Variants in TMEM67 observed in about 807,000 individuals in gnomAD.
TMEM67 encodes meckelin.
TMEM67 carries 124 observed loss-of-function variants against 136.6 expected under a neutral mutation model. That is an observed-to-expected ratio of 0.91 (90% CI 0.78 to 1.05). The LOEUF is 1.05. Among genes scored for constraint, TMEM67 ranks in the 50% least tolerant of loss-of-function variants. The probability of loss-of-function intolerance (pLI) is 0.00; values close to 1 mark genes in which losing one functional copy is unlikely to be tolerated. For synonymous variants in TMEM67, 364 were observed against 390.5 expected (o/e 0.93, Z 0.80); for missense variants, 1,107 against 1,178.4 (o/e 0.94, Z 0.89).
chr8:93,790,851 C>T (rs1814344752), intron 14 of TMEM67, among the ~76,000 whole-genome samples: 1 of 152,204 alleles, frequency 6.6e-6, no homozygotes, highest in Non-Finnish European at 1.5e-5. Context: ...TCTTCTTTCT[C>T]TTGTCTCTTA....
At chr8:93,767,745 A>G (rs1219478512) in intron 6 of TMEM67, among the ~76,000 whole-genome samples, 1 of 141,460 alleles carries the variant, frequency 7.1e-6, no homozygotes, top group Admixed American at 7.3e-5. Context: ...TTTTTTTGAC[A>G]TGTCCCCATC....
At chr8:93,827,579 C>CTT in the TMEM67 span, among the ~76,000 whole-genome samples, 3,619 of 136,422 alleles carry the variant, frequency 0.027, 77 homozygotes, top group African/African-American at 0.053. Context: ...TGTATTTTTT[C>CTT]TTTTTTTTTT....
At chr8:93,815,212 T>C in intron 26 of TMEM67, 93 bp from the exon 27 acceptor site, 1 of 836,486 alleles carries the variant, frequency 1.2e-6, no homozygotes, top group Non-Finnish European at 1.8e-6. Context: ...TAATGTGCTG[T>C]TTTTAAACAT....
chr8:93,758,605 A>G, intron 3 of TMEM67, 29 bp downstream of exon 3: 2 of 1,519,608 alleles, frequency 1.3e-6, no homozygotes, highest in Non-Finnish European at 1.8e-6. Flanking sequence ...ATAAAGAAGT[A>G]GTGATAAATC....
At chr8:93,762,830 T>C (rs1812910078) in intron 3 of TMEM67, 5 of 295,490 alleles carry the variant, frequency 1.7e-5, no homozygotes, top group South Asian at 1.1e-4. Flanking sequence ...ATAAGTGGTA[T>C]GTTTGCATAA....
chr8:93,795,864 T>G, intron 17 of TMEM67, 37 bp from the exon 18 acceptor site: 1 of 1,406,284 alleles, frequency 7.1e-7, no homozygotes, highest in Non-Finnish European at 1.0e-6. Flanking sequence ...AAAAAAACTG[T>G]GTGTGATAAT....
rs1478881233 is a variant in TMEM67 at position 93,758,795 on chromosome 8, C to T, written c.406+219C>T. ...TAAATTTTTTGTAGAGACTGGGTCTCGTTATGTTGCTCAGCCTGGTCTTGA... is the reference window on the plus strand; with the variant it reads ...TAAATTTTTTGTAGAGACTGGGTCTTGTTATGTTGCTCAGCCTGGTCTTGA... On this transcript the variant is annotated intron_variant, in intron 3 of 27. Transcript: ENST00000453321. The T allele has an allele frequency of 2.2e-5, 11 of 507,462 alleles. No individual in the cohort carries two copies. The East Asian group carries it at 2.8e-4, about 13-fold the overall frequency. 31.4% of individuals were successfully genotyped at this position (507,462 alleles called of 1,614,324 possible).
chr8:93,797,428 T>C lies in TMEM67; in HGVS notation c.2058T>C (p.Ile686=). The change falls in exon 20 of 28, where the codon ATT becomes ATC. Residue 686 remains isoleucine (I), a synonymous_variant. Transcript: ENST00000453321. The stretch of plus-strand genomic sequence containing the variant: ...ATGAAATTCAGACTGTGAGAAAAAT[T>C]AATTCACTCTTTCAAGTACTTACTG... ...EWNEIQTVRK[I]NSLFQVLTVL... The C allele has an allele frequency of 6.2e-7, 1 of 1,613,980 alleles. No homozygotes were observed. Among genetic ancestry groups the C allele is most frequent in the South Asian group, 1.1e-5 (1 of 91,074 alleles).
chr8:93,829,361 GCT>G, the TMEM67 span, among the ~76,000 whole-genome samples: 2,493 of 147,310 alleles, frequency 0.017, 45 homozygotes, highest in African/African-American at 0.046. Context: ...CTTTATGAGT[GCT>G]CTCTCTCTCT....
At chr8:93,823,067 G>A (rs2130812313), downstream of TMEM67, among the ~76,000 whole-genome samples, 1 of 152,284 alleles carries the variant, frequency 6.6e-6, no homozygotes. Context: ...TAAAAGCATA[G>A]TAAGTACTGT....
chr8:93,780,484 C>G, intron 7 of TMEM67, 109 bp from the exon 8 acceptor site: 1 of 1,197,010 alleles, frequency 8.4e-7, no homozygotes, highest in South Asian at 1.2e-5. Context: ...CGGAGCTGTT[C>G]CTACTCGGCC....
intron 14 of TMEM67, 98 bp from the exon 15 acceptor site, chr8:93,791,164 GT>G: frequency 1.3e-6 from 1 of 788,336 alleles, no homozygotes; most frequent in African/African-American, 1.7e-5. Context: ...AAACTATAGT[GT>G]TTATGGTAAA....
chr8:93,761,465 A>G (rs985223717), intron 3 of TMEM67, among the ~76,000 whole-genome samples: 1 of 152,228 alleles, frequency 6.6e-6, no homozygotes, highest in Non-Finnish European at 1.5e-5. Flanking sequence ...TTGCCTGGAA[A>G]GCTCTCATCT....
chr8:93,756,238 C>T (rs55671241), intron 2 of TMEM67: 2,242 of 169,366 alleles, frequency 0.013, 60 homozygotes, highest in African/African-American at 0.048. Context: ...GTGGAGTTGT[C>T]TTAGACCTAC....
At chr8:93,822,210 G>T (rs1242370011), downstream of TMEM67, among the ~76,000 whole-genome samples, 2 of 152,158 alleles carry the variant, frequency 1.3e-5, no homozygotes, top group East Asian at 3.8e-4. Context: ...TCAAAAGAAG[G>T]TTTCCAAATG....
intron 7 of TMEM67, among the ~76,000 whole-genome samples, chr8:93,778,021 A>G (rs1293803740): frequency 1.3e-5 from 2 of 152,180 alleles, no homozygotes; most frequent in Admixed American, 6.5e-5. Flanking sequence ...GACTTGCTTT[A>G]TGAATCTGGG....
chr8:93,810,991 AATGGAAGTG>A (rs1808677509), intron 26 of TMEM67, among the ~76,000 whole-genome samples: 1 of 152,204 alleles, frequency 6.6e-6, no homozygotes, highest in Non-Finnish European at 1.5e-5. Context: ...TATGAGTAAG[AATGGAAGTG>A]GTATAACCAG....
chr8:93,828,184 G>A, the TMEM67 span, among the ~76,000 whole-genome samples: 2 of 151,968 alleles, frequency 1.3e-5, no homozygotes, highest in African/African-American at 4.8e-5. Flanking sequence ...CCAAACCACC[G>A]CTCCCCAGTT....
Position 93,784,920 on chromosome 8 carries a change from G to C in TMEM67, c.1132-302G>C, listed in dbSNP as rs149107844. Among the ~76,000 whole-genome samples the C allele has an allele frequency of 8.5e-4, 130 of 152,224 alleles. 2 individuals are homozygous for C. The highest frequency in any genetic ancestry group is 5.6e-3 in the South Asian group (27 of 4,816). On this transcript the variant is annotated intron_variant, in intron 11 of 27. Coordinates refer to ENST00000453321, the MANE Select transcript of TMEM67 (RefSeq NM_153704.6). ...TTCACTGATGTACCCTTAATATTGAGAATGAAGGTATACCTCCTTCATCTG... is the reference window on the plus strand; with the variant it reads ...TTCACTGATGTACCCTTAATATTGACAATGAAGGTATACCTCCTTCATCTG...
Sources: gnomAD v4.1 joint callset for allele counts (sites outside exome capture counted in the v4.1 genomes callset) on GRCh38, gnomAD v4.1.1 for gene constraint, MANE v1.5 for transcripts, NCBI Gene and HGNC (gene_info 2026-07-23, HGNC 2026-07-21) for gene names.